ELN: variants seen among roughly 807,000 people sequenced by gnomAD.
ELN encodes the protein elastin, also known as tropoelastin.
In ELN, 65 loss-of-function variants were observed where a neutral mutation model predicts 105.8. That is an observed-to-expected ratio of 0.61 (90% CI 0.50 to 0.75). The LOEUF (loss-of-function observed/expected upper bound fraction) is 0.75. Ranked by LOEUF, ELN falls within the 30% of genes least tolerant of loss-of-function variation. The probability of loss-of-function intolerance (pLI) is 0.00; values close to 1 mark genes in which losing one functional copy is unlikely to be tolerated. For synonymous variants in ELN, 368 were observed against 389.2 expected (o/e 0.95, Z 0.64); for missense variants, 882 against 969.4 (o/e 0.91, Z 1.20).
Position 74,035,413 on chromosome 7 carries a change from A to G in ELN, c.132A>G (p.Pro44=). ...PGGVPGGVFY[P]GAGLGALGGG... is the part of the protein sequence containing the mutation. Reference sequence around the variant, plus strand: ...GAGTTCCTGGAGGAGTCTTTTATCCAGGTAACGTACATGAAACTTCCACAC... The same window carrying G: ...GAGTTCCTGGAGGAGTCTTTTATCCGGGTAACGTACATGAAACTTCCACAC... Residue 44 remains proline, a splice_region_variant and synonymous_variant, in exon 2 of 33, where the codon CCA becomes CCG. Coordinates refer to ENST00000252034, the MANE Select transcript of ELN (RefSeq NM_000501.4). 1 of 1,614,130 alleles carries G rather than the reference A, an allele frequency of 6.2e-7. No individual in the cohort carries two copies. Among genetic ancestry groups the G allele is most frequent in the Non-Finnish European group, 8.5e-7 (1 of 1,180,018 alleles).
At chr7:74,053,407 T>A in intron 18 of ELN, 98 bp downstream of exon 18, 1 of 1,543,590 alleles carries the variant, frequency 6.5e-7, no homozygotes, top group Admixed American at 2.0e-5. Context: ...GCATTCTCCC[T>A]AACACCATAA....
rs1795235239 is a variant in ELN at position 74,056,403 on chromosome 7, G to C, written c.1283G>C (p.Gly428Ala). The change falls in exon 20 of 33, where the codon GGA (glycine) becomes GCA (alanine). Residue 428 changes from glycine to alanine, a missense_variant. Transcript: ENST00000252034. ...GTCCCTGGTGTCGGAGGTGTTCCCGGAGTCGGAGGTGTCCCGGGAGTTGGC... is the reference window on the plus strand; with the variant it reads ...GTCCCTGGTGTCGGAGGTGTTCCCGCAGTCGGAGGTGTCCCGGGAGTTGGC... ...AGVPGVGGVP[G>A]VGGVPGVGIS... is the part of the protein sequence containing the mutation. The C allele has an allele frequency of 6.2e-7, 1 of 1,613,700 alleles. No individual in the cohort carries two copies. Among genetic ancestry groups the C allele is most frequent in the Non-Finnish European group, 8.5e-7 (1 of 1,179,740 alleles).
In ELN at chr7:74,056,669, T is replaced by C. The variant is rs1795306590; in HGVS notation, c.1316-3T>C. On this transcript the variant is annotated splice_polypyrimidine_tract_variant and splice_region_variant and intron_variant, in intron 20 of 32. Coordinates refer to ENST00000252034, the MANE Select transcript of ELN (RefSeq NM_000501.4). ...GGTCTCTTTCTTTCTCGTTTCCTTGTAGCCGAAGCTCAGGCAGCAGCTGCC... is the reference window on the plus strand; with the variant it reads ...GGTCTCTTTCTTTCTCGTTTCCTTGCAGCCGAAGCTCAGGCAGCAGCTGCC... 1 of 1,613,920 alleles carries C rather than the reference T, an allele frequency of 6.2e-7. No homozygotes were observed. Among genetic ancestry groups the C allele is most frequent in the Non-Finnish European group, 8.5e-7 (1 of 1,180,030 alleles).
At chr7:74,034,867 G>A (rs879958225) in intron 1 of ELN, among the ~76,000 whole-genome samples, 2 of 152,160 alleles carry the variant, frequency 1.3e-5, no homozygotes, top group Non-Finnish European at 2.9e-5. Flanking sequence ...TTGGGAGGCC[G>A]AGGCAGGCAG....
chr7:74,042,795 T>C, intron 6 of ELN, 89 bp downstream of exon 6: 1 of 1,559,056 alleles, frequency 6.4e-7, no homozygotes, highest in Non-Finnish European at 8.7e-7. Context: ...AACTCAGGCT[T>C]GGGAGCCGGG....
chr7:74,052,871 AAGAG>A lies in ELN; in HGVS notation c.950-276_950-273del, dbSNP rs782502952. On this transcript the variant is annotated intron_variant, in intron 17 of 32. Coordinates refer to ENST00000252034, the MANE Select transcript of ELN (RefSeq NM_000501.4). ...AGAGGGAGGGAGAGAGAAAGAAAGA[AAGAG>A]AGAGAGAGAGAGAGAAAGAAAGAAA... 4.0e-3 allele frequency: 1,647 copies of A among 414,140 alleles called. 8 individuals carry two copies. Among genetic ancestry groups the A allele is most frequent in the Admixed American group, 8.7e-3 (224 of 25,730 alleles). 25.7% of individuals were successfully genotyped at this position (414,140 alleles called of 1,614,324 possible). A position where few individuals can be genotyped will look rare whatever the true frequency, so the allele number is the denominator to read the frequency against.
chr7:74,047,883 C>A (rs1245750842), intron 13 of ELN, among the ~76,000 whole-genome samples, 167 bp downstream of exon 13: 5 of 152,178 alleles, frequency 3.3e-5, no homozygotes, highest in Non-Finnish European at 5.9e-5. Flanking sequence ...TTGGACTCAG[C>A]ATGGGTCTCC....
At chr7:74,045,198 A>G (rs2131550979) in intron 9 of ELN, 24 bp from the exon 10 acceptor site, 1 of 1,613,642 alleles carries the variant, frequency 6.2e-7, no homozygotes, top group Non-Finnish European at 8.5e-7. Flanking sequence ...GCCTTCCTAC[A>G]CTCACTGCTT....
intron 4 of ELN, among the ~76,000 whole-genome samples, chr7:74,038,838 G>A (rs1350759563): frequency 3.9e-5 from 6 of 152,250 alleles, no homozygotes; most frequent in African/African-American, 9.6e-5. Flanking sequence ...CATCTGGGTT[G>A]TGAAACACCA....
chr7:74,048,226 C>G (rs1227866310), intron 14 of ELN, 25 bp downstream of exon 14: 2 of 1,613,832 alleles, frequency 1.2e-6, no homozygotes, highest in African/African-American at 2.7e-5. Flanking sequence ...ACGTCACTTC[C>G]AGCCAAGGGA....
At chr7:74,046,928 A>G (rs1192082309) in intron 12 of ELN, among the ~76,000 whole-genome samples, 161 bp downstream of exon 12, 1 of 152,182 alleles carries the variant, frequency 6.6e-6, no homozygotes, top group Non-Finnish European at 1.5e-5. Flanking sequence ...TACTAAAGAT[A>G]CAAAAATTAG....
In ELN at chr7:74,063,060, G is replaced by A. The variant is rs1361537264; in HGVS notation, c.1787-93G>A. The A allele has an allele frequency of 4.1e-6, 6 of 1,471,294 alleles. No homozygotes were observed. The highest frequency in any genetic ancestry group is 5.6e-6 in the Non-Finnish European group (6 of 1,079,958). The allele number at this position is 1,471,294 out of a possible 1,614,324, so 91.1% of individuals were successfully genotyped here. On this transcript the variant is annotated intron_variant, in intron 26 of 32. Coordinates refer to ENST00000252034, the MANE Select transcript of ELN (RefSeq NM_000501.4). The surrounding 1 kb of genome is among the most constrained non-coding windows in gnomAD (Gnocchi z 4.1). ...CACTGCTCCTCCACAGTGTCACATG[G>A]CCCCTGCCACCTGTCTGCTTGCCTT... is the stretch of plus-strand genomic sequence containing the variant.
In ELN at chr7:74,054,806, C is replaced by T. The variant is rs552933566; in HGVS notation, c.1150+37C>T. On this transcript the variant is annotated intron_variant, in intron 19 of 32. Transcript: ENST00000252034. ...GCTGACAGCTCTGCCCCACCCTGTC[C>T]TGGCCTTTACTTGCCAGAACTAAAG... The T allele has an allele frequency of 5.6e-6, 9 of 1,612,354 alleles. No individual in the cohort carries two copies. The African/African-American group carries it at 1.2e-4, about 21-fold the overall frequency.
chr7:74,064,481 T>G lies in ELN; in HGVS notation c.1993+786T>G, dbSNP rs1012253455. Among the ~76,000 whole-genome samples, 19 of 150,156 alleles carry G rather than the reference T, an allele frequency of 1.3e-4. No individual in the cohort carries two copies. The South Asian group carries it at 4.0e-3, about 32-fold the overall frequency. On this transcript the variant is annotated intron_variant, in intron 29 of 32. Transcript: ENST00000252034. ...ATGTATATAAATTAGCTGGGCATGG[T>G]GACACACGCCTGTAATCCCAGCTAC... is the stretch of plus-strand genomic sequence containing the variant.
At chr7:74,042,383 G>A (rs916250724) in intron 5 of ELN, among the ~76,000 whole-genome samples, 2 of 151,636 alleles carry the variant, frequency 1.3e-5, no homozygotes, top group Admixed American at 6.6e-5. Flanking sequence ...AGCCAAGATC[G>A]CACCACTGCA....
At chr7:74,036,369 C>T (rs1320907019) in intron 2 of ELN, among the ~76,000 whole-genome samples, 186 bp from the exon 3 acceptor site, 2 of 151,854 alleles carry the variant, frequency 1.3e-5, no homozygotes, top group African/African-American at 4.8e-5. Context: ...CGCCAGCACT[C>T]CCCCAGATAC....
intron 29 of ELN, among the ~76,000 whole-genome samples, chr7:74,065,074 C>A (rs1457225506): frequency 5.3e-5 from 8 of 151,286 alleles, no homozygotes; most frequent in East Asian, 1.9e-4. Context: ...GACCCCCCCC[C>A]ACCACCACCT....
rs782260475 is a variant in ELN at position 74,057,645 on chromosome 7, G to A, written c.1363G>A (p.Gly455Arg). 24 of 1,613,872 alleles carry A rather than the reference G, an allele frequency of 1.5e-5. No homozygotes were observed. Among genetic ancestry groups the A allele is most frequent in the Non-Finnish European group, 1.9e-5 (22 of 1,180,008 alleles). ...AAAKAAKYGVGTPAAAAAKAA... is the reference protein window; with the variant it reads ...AAAKAAKYGVRTPAAAAAKAA... The stretch of plus-strand genomic sequence containing the variant: ...CCTTCTCTTCACACCTCCAGGAGTG[G>A]GGACCCCAGCAGCTGCAGCTGCTAA... Residue 455 changes from glycine to arginine, a missense_variant, in exon 22 of 33, where the codon GGG becomes AGG. By Grantham distance (125) the Gly-to-Arg change is moderately radical. Coordinates refer to ENST00000252034, the MANE Select transcript of ELN (RefSeq NM_000501.4).
At chr7:74,047,756 T>C (rs781816193) in intron 13 of ELN, 40 bp downstream of exon 13, 6 of 1,613,784 alleles carry the variant, frequency 3.7e-6, no homozygotes, top group Non-Finnish European at 5.1e-6. Flanking sequence ...TCCAGCTCTT[T>C]CCCTCTCCAG....
Sources: allele counts gnomAD v4.1 joint callset (sites outside exome capture counted in the v4.1 genomes callset), GRCh38; gene constraint gnomAD v4.1.1; non-coding constraint Gnocchi (gnomAD v3.1); transcripts MANE v1.5; gene names NCBI Gene and HGNC (gene_info 2026-07-23, HGNC 2026-07-21).